PWWP2A: variants seen among roughly 807,000 people sequenced by gnomAD.
PWWP2A encodes the protein PWWP domain-containing protein 2A.
Under a neutral mutation model 48.5 loss-of-function variants are expected in PWWP2A, and 18 were observed. The ratio of observed to expected loss-of-function variants is 0.37; its 90% confidence interval spans 0.26 to 0.55. The LOEUF (loss-of-function observed/expected upper bound fraction) is 0.55. Ranked by LOEUF, PWWP2A falls within the 20% of genes least tolerant of loss-of-function variation. The probability of loss-of-function intolerance (pLI) is 0.81; values close to 1 mark genes in which losing one functional copy is unlikely to be tolerated. For synonymous variants in PWWP2A, 396 were observed against 387.7 expected (o/e 1.02, Z -0.25); for missense variants, 867 against 976.4 (o/e 0.89, Z 1.49).
At chr5:160,057,820 G>A (rs1757581882), downstream of PWWP2A, among the ~76,000 whole-genome samples, 1 of 152,180 alleles carries the variant, frequency 6.6e-6, no homozygotes, top group South Asian at 2.1e-4. This position sits in a 1 kb window ranked among gnomAD's most constrained non-coding sequence, Gnocchi z 4.4. Context: ...CCAGGCTGGA[G>A]TGCAGTGGCA....
At chr5:160,072,063 A>G (rs904616176), downstream of PWWP2A, among the ~76,000 whole-genome samples, 1 of 152,124 alleles carries the variant, frequency 6.6e-6, no homozygotes, top group African/African-American at 2.4e-5. Flanking sequence ...TCCTTCCATC[A>G]CCTGGATTTC....
In PWWP2A at chr5:160,081,364, G is replaced by A. The variant is rs1754220264; in HGVS notation, c.1550-594C>T. On this transcript the variant is annotated intron_variant, in intron 2 of 3. Coordinates refer to the PWWP2A transcript ENST00000456329. ...AGTGATTCTCCTGCCTCAGCCTTCTGAGTAGCTAGGATTACAGGCGCCCGC... is the reference window on the plus strand; with the variant it reads ...AGTGATTCTCCTGCCTCAGCCTTCTAAGTAGCTAGGATTACAGGCGCCCGC... Among the ~76,000 whole-genome samples, 3 of 150,430 alleles carry A rather than the reference G, an allele frequency of 2.0e-5. No individual in the cohort carries two copies. In the South Asian group the frequency reaches 6.3e-4, roughly 32 times the overall value.
At chr5:160,076,942 TTTA>T (rs1222379516) in exon 4 of PWWP2A, 2 of 152,152 alleles carry the variant, frequency 1.3e-5, no homozygotes, top group Non-Finnish European at 2.9e-5. Context: ...AAACTTCAGT[TTTA>T]TTATTATTAA....
At chr5:160,094,737 T>C (rs1165919800) in intron 1 of PWWP2A, among the ~76,000 whole-genome samples, 5 of 152,082 alleles carry the variant, frequency 3.3e-5, no homozygotes, top group Non-Finnish European at 5.9e-5. Context: ...TATATTTGCA[T>C]TGCAATCCAA....
chr5:160,054,476 G>A, the PWWP2A span, among the ~76,000 whole-genome samples: 6 of 152,028 alleles, frequency 3.9e-5, no homozygotes, highest in Non-Finnish European at 7.4e-5. Flanking sequence ...TTAGCCAGGC[G>A]TGGTAGCACA....
At chr5:160,058,668 C>T (rs1412022478), downstream of PWWP2A, among the ~76,000 whole-genome samples, 1 of 152,120 alleles carries the variant, frequency 6.6e-6, no homozygotes, top group African/African-American at 2.4e-5. Flanking sequence ...ACCTCAGCCT[C>T]CCAAAGTGCT....
intron 1 of PWWP2A, among the ~76,000 whole-genome samples, chr5:160,110,524 T>C (rs952628412): frequency 1.3e-5 from 2 of 151,636 alleles, no homozygotes; most frequent in Non-Finnish European, 1.5e-5. Context: ...CTGACCTACA[T>C]GGAGAAACCC....
the PWWP2A span, chr5:160,051,172 AAGAGATGTT>A: frequency 6.2e-7 from 1 of 1,610,804 alleles, no homozygotes; most frequent in Non-Finnish European, 8.5e-7. Flanking sequence ...AGACTAAAAG[AAGAGATGTT>A]AGGTAAGCTT....
downstream of PWWP2A, chr5:160,075,818 A>C (rs1384824664): frequency 6.6e-6 from 1 of 151,332 alleles, no homozygotes; most frequent in Non-Finnish European, 1.5e-5. Context: ...AAAAAAAAAA[A>C]AAAAAAAAAA....
At chr5:160,116,376 A>G (rs567227405) in intron 1 of PWWP2A, among the ~76,000 whole-genome samples, 15 of 152,296 alleles carry the variant, frequency 9.8e-5, no homozygotes, top group Admixed American at 7.8e-4. Context: ...GAATTGCTTC[A>G]GCCCGGGAGG....
At chr5:160,090,810 T>TG (rs1755000753), downstream of PWWP2A, 5 of 981,626 alleles carry the variant, frequency 5.1e-6, no homozygotes, top group Non-Finnish European at 6.0e-6. Flanking sequence ...ACACAAAGTA[T>TG]GAAAGCAACT....
At chr5:160,085,856 T>C (rs1278553147) in intron 2 of PWWP2A, among the ~76,000 whole-genome samples, 3 of 151,300 alleles carry the variant, frequency 2.0e-5, no homozygotes, top group African/African-American at 4.9e-5. Context: ...TCTCACTCTG[T>C]CATCCAGGCT....
the PWWP2A span, among the ~76,000 whole-genome samples, chr5:160,052,434 C>T: frequency 2.7e-5 from 4 of 148,818 alleles, no homozygotes; most frequent in African/African-American, 9.9e-5. Context: ...CTGCAGTGAG[C>T]TATGATGGTG....
downstream of PWWP2A, among the ~76,000 whole-genome samples, chr5:160,086,544 A>C (rs2113497057): frequency 6.6e-6 from 1 of 151,816 alleles, no homozygotes; most frequent in African/African-American, 2.4e-5. Context: ...ATATATACAC[A>C]CATTTTTTTT....
At chr5:160,106,130 C>T (rs1334303749) in intron 1 of PWWP2A, among the ~76,000 whole-genome samples, 1 of 152,196 alleles carries the variant, frequency 6.6e-6, no homozygotes, top group African/African-American at 2.4e-5. Context: ...TTATTTCTAA[C>T]TGCCAGGTTA....
chr5:160,055,695 T>G, the PWWP2A span, among the ~76,000 whole-genome samples: 1 of 152,124 alleles, frequency 6.6e-6, no homozygotes, highest in African/African-American at 2.4e-5. Context: ...CCCTGATGAG[T>G]TGAGAGACGG....
At chr5:160,069,333 A>C (rs1753688975) in intron 2 of PWWP2A, among the ~76,000 whole-genome samples, 1 of 152,172 alleles carries the variant, frequency 6.6e-6, no homozygotes, top group Non-Finnish European at 1.5e-5. Context: ...CAAAGAATGC[A>C]GTGGGAGACA....
chr5:160,056,576 T>G, the PWWP2A span, among the ~76,000 whole-genome samples: 1 of 152,012 alleles, frequency 6.6e-6, no homozygotes, highest in African/African-American at 2.4e-5. Context: ...AATAAAAAAT[T>G]AGCCCGGCAT....
At chr5:160,053,759 T>G in the PWWP2A span, among the ~76,000 whole-genome samples, 2 of 152,222 alleles carry the variant, frequency 1.3e-5, no homozygotes, top group African/African-American at 4.8e-5. Context: ...CCTTGAGTAG[T>G]ACAAAATGGG....
Sources: gnomAD v4.1 joint callset for allele counts (sites outside exome capture counted in the v4.1 genomes callset) on GRCh38, gnomAD v4.1.1 for gene constraint, Gnocchi (gnomAD v3.1) non-coding constraint, MANE v1.5 for transcripts, NCBI Gene and HGNC (gene_info 2026-07-23, HGNC 2026-07-21) for gene names.